Variants in ARHGAP10 observed in about 807,000 individuals in gnomAD.
The protein encoded by ARHGAP10 is rho GTPase-activating protein 10.
ARHGAP10 carries 87 observed loss-of-function variants against 108.6 expected under a neutral mutation model. The observed-to-expected ratio is 0.80, with a 90% CI of 0.67 to 0.96. ARHGAP10 has a LOEUF of 0.96. ARHGAP10 is among the 40% of genes least tolerant of loss of function. The pLI is 0.00. For missense variants in ARHGAP10, 939 were observed against 954.5 expected (o/e 0.98, Z 0.21); for synonymous variants, 347 against 341.1 (o/e 1.02, Z -0.19).
intron 1 of ARHGAP10, among the ~76,000 whole-genome samples, chr4:147,803,223 G>C (rs1041295798): frequency 1.2e-4 from 18 of 152,134 alleles, no homozygotes; most frequent in African/African-American, 4.1e-4. Context: ...TGGCCAGGCT[G>C]GTCTCGAACT....
chr4:147,915,731 A>G (rs1289235459), intron 13 of ARHGAP10, among the ~76,000 whole-genome samples: 4 of 152,216 alleles, frequency 2.6e-5, no homozygotes, highest in African/African-American at 9.6e-5. Context: ...AAGGTCTTCC[A>G]TTACTGAAAC....
intron 19 of ARHGAP10, among the ~76,000 whole-genome samples, chr4:148,042,168 A>G (rs1422860583): frequency 6.6e-6 from 1 of 152,126 alleles, no homozygotes; most frequent in Non-Finnish European, 1.5e-5. Flanking sequence ...ATTTCAGTTA[A>G]TGATTCTACC....
At chr4:147,953,520 G>A (rs1738684468) in intron 15 of ARHGAP10, among the ~76,000 whole-genome samples, 1 of 151,888 alleles carries the variant, frequency 6.6e-6, no homozygotes, top group African/African-American at 2.4e-5. Context: ...TTTCATCTGA[G>A]TTGTTGAATT....
intron 10 of ARHGAP10, 22 bp from the exon 11 acceptor site, chr4:147,906,616 A>G (rs1383579557): frequency 7.4e-6 from 12 of 1,612,574 alleles, no homozygotes; most frequent in East Asian, 2.2e-5. Flanking sequence ...GGGTAACCTG[A>G]TATGTTACTG....
At chr4:148,063,000 C>A in intron 20 of ARHGAP10, 148 bp from the exon 21 acceptor site, 1 of 984,040 alleles carries the variant, frequency 1.0e-6, no homozygotes, top group Non-Finnish European at 1.5e-6. Context: ...GGGCTGCAGC[C>A]CCGGCAGGAT....
At chr4:147,855,682 GTTTT>G (rs566406361) in intron 4 of ARHGAP10, among the ~76,000 whole-genome samples, 1 of 124,778 alleles carries the variant, frequency 8.0e-6, no homozygotes, top group Non-Finnish European at 1.7e-5. Flanking sequence ...TTGTCAGATG[GTTTT>G]TTTTTTTTTT....
At chr4:148,021,130 TGGAGACCAACCCGGGTTG>T (rs1741552832) in intron 18 of ARHGAP10, among the ~76,000 whole-genome samples, 1 of 152,182 alleles carries the variant, frequency 6.6e-6, no homozygotes, top group Non-Finnish European at 1.5e-5. Flanking sequence ...TTAAGTCTTC[TGGAGACCAACCCGGGTTG>T]GACCCAGCCC....
chr4:148,070,899 G>T (rs1372235330), intron 22 of ARHGAP10, among the ~76,000 whole-genome samples: 1 of 152,178 alleles, frequency 6.6e-6, no homozygotes, highest in Non-Finnish European at 1.5e-5. Flanking sequence ...CTTCTGTATT[G>T]CATTTCCGAA....
At chr4:147,994,524 C>G (rs1740400676) in intron 18 of ARHGAP10, among the ~76,000 whole-genome samples, 1 of 152,116 alleles carries the variant, frequency 6.6e-6, no homozygotes, top group Non-Finnish European at 1.5e-5. Context: ...ATTTATAATC[C>G]TTTGTGAATG....
intron 1 of ARHGAP10, among the ~76,000 whole-genome samples, chr4:147,788,041 T>A (rs1730964422): frequency 6.6e-6 from 1 of 152,166 alleles, no homozygotes; most frequent in African/African-American, 2.4e-5. Flanking sequence ...TTATCATCGG[T>A]TCCTCTCCAC....
chr4:147,748,889 A>G (rs1423803751), intron 1 of ARHGAP10, among the ~76,000 whole-genome samples: 5 of 151,926 alleles, frequency 3.3e-5, no homozygotes, highest in African/African-American at 4.8e-5. Flanking sequence ...AATCCGGGAG[A>G]TTGATGCTGC....
intron 1 of ARHGAP10, among the ~76,000 whole-genome samples, chr4:147,805,896 C>G (rs1478737665): frequency 6.6e-6 from 1 of 152,148 alleles, no homozygotes; most frequent in Middle Eastern, 3.2e-3. Flanking sequence ...AAACTTTATG[C>G]TAACACAAAG....
chr4:147,736,910 G>T (rs572561850), intron 1 of ARHGAP10, among the ~76,000 whole-genome samples: 4 of 152,112 alleles, frequency 2.6e-5, no homozygotes, highest in African/African-American at 9.7e-5. Context: ...CATAGGAGAC[G>T]CGAAGAAGGA....
At chr4:148,016,761 C>T (rs1163195776) in intron 18 of ARHGAP10, among the ~76,000 whole-genome samples, 1 of 152,036 alleles carries the variant, frequency 6.6e-6, no homozygotes, top group Non-Finnish European at 1.5e-5. Context: ...AGATGCTGGT[C>T]GCAGGTCCGG....
intron 18 of ARHGAP10, among the ~76,000 whole-genome samples, chr4:147,987,221 T>C (rs1438003170): frequency 6.6e-6 from 1 of 152,238 alleles, no homozygotes; most frequent in African/African-American, 2.4e-5. Flanking sequence ...AGCAAAATCA[T>C]TGTAATTAAG....
rs114413384 is a variant in ARHGAP10 at position 147,953,065 on chromosome 4, G to A, written c.1392-2251G>A. Among the ~76,000 whole-genome samples the A allele has an allele frequency of 9.8e-3, 1,492 of 151,898 alleles. 24 individuals carry two copies. The highest frequency in any genetic ancestry group is 0.031 in the African/African-American group (1,301 of 41,494). On this transcript the variant is annotated intron_variant, in intron 15 of 22. Transcript: ENST00000336498. ...TACAGTTTTCTTTTCATTTGGTGAA[G>A]TACATTGATTTTTTTTTTAGATATT...
intron 10 of ARHGAP10, among the ~76,000 whole-genome samples, chr4:147,885,392 T>C (rs1040998238): frequency 2.0e-5 from 3 of 152,130 alleles, no homozygotes; most frequent in African/African-American, 7.2e-5. Context: ...ATAAAAACTA[T>C]CAGATCTTGT....
In ARHGAP10 at chr4:147,857,634, A is replaced by T. The variant is rs1734147747; in HGVS notation, c.466A>T (p.Lys156Ter). The stretch of plus-strand genomic sequence containing the variant: ...ACATTTGAATTTATCAGCAAAAAAG[A>T]AAGACTCACATTTACAAGAGGTATA... ...DKHLNLSAKK[K>*]DSHLQEADIQ... The change falls in exon 5 of 23, where the codon AAA becomes TAA. Residue 156 changes from lysine (K) to a stop codon, truncating the protein, a stop_gained. Coordinates refer to ENST00000336498, the MANE Select transcript of ARHGAP10 (RefSeq NM_024605.4). LOFTEE classifies it high-confidence loss of function. 6.7e-7 allele frequency: 1 copy of T among 1,494,612 alleles called. No homozygotes were observed. Among genetic ancestry groups the T allele is most frequent in the Admixed American group, 2.6e-5 (1 of 38,912 alleles). The allele number at this position is 1,494,612 out of a possible 1,614,324, so 92.6% of individuals were successfully genotyped here.
intron 14 of ARHGAP10, among the ~76,000 whole-genome samples, chr4:147,944,671 G>A (rs1352049647): frequency 2.0e-5 from 3 of 152,174 alleles, no homozygotes; most frequent in Admixed American, 6.5e-5. Flanking sequence ...ACAGTATAAG[G>A]GAGGGAAAAA....
Sources: gnomAD v4.1 joint callset for allele counts (sites outside exome capture counted in the v4.1 genomes callset) on GRCh38, gnomAD v4.1.1 for gene constraint, MANE v1.5 for transcripts, NCBI Gene and HGNC (gene_info 2026-07-23, HGNC 2026-07-21) for gene names.